BRSK1: variants seen among roughly 807,000 people sequenced by gnomAD.
The protein encoded by BRSK1 is BR serine/threonine kinase 1.
Under a neutral mutation model 86.2 loss-of-function variants are expected in BRSK1, and 17 were observed. The ratio of observed to expected loss-of-function variants is 0.20; its 90% CI spans 0.14 to 0.30. The LOEUF (loss-of-function observed/expected upper bound fraction) is 0.30. Ranked by LOEUF, BRSK1 falls within the 10% of genes least tolerant of loss-of-function variation. The pLI is 1.00. For synonymous variants in BRSK1, 464 were observed against 440.1 expected, an observed-to-expected ratio of 1.05 and a Z score of -0.68; for missense variants, 719 against 1,071.9, an observed-to-expected ratio of 0.67 and a Z score of 4.60.
Position 55,302,712 on chromosome 19 carries a change from G to A in BRSK1, c.873G>A (p.Glu291=), listed in dbSNP as rs1041220945. 4 of 1,611,606 alleles carry A rather than the reference G, an allele frequency of 2.5e-6. No homozygotes were observed. The highest frequency in any genetic ancestry group is 3.4e-6 in the Non-Finnish European group (4 of 1,178,490). Reference sequence around the variant, plus strand: ...ACTTCCCCAGAGGCGGGAAACACGAGCCAGACCCGTGCCTGGAGCCAGCCC... The same window carrying A: ...ACTTCCCCAGAGGCGGGAAACACGAACCAGACCCGTGCCTGGAGCCAGCCC... ...KHPWYLGGKH[E]PDPCLEPAPG... is the part of the protein sequence containing the mutation. The change falls in exon 10 of 19, where the codon GAG becomes GAA. Residue 291 remains glutamate, a synonymous_variant. Transcript: ENST00000309383. This position sits in a 1 kb window ranked among gnomAD's most constrained non-coding sequence, Gnocchi z 6.3.
At chr19:55,290,970 A>G (rs942878159) in intron 4 of BRSK1, among the ~76,000 whole-genome samples, 3 of 146,266 alleles carry the variant, frequency 2.1e-5, no homozygotes, top group African/African-American at 7.7e-5. Flanking sequence ...GTCCTATTTA[A>G]GAAACTTTTG....
chr19:55,304,527 A>T lies in BRSK1; in HGVS notation c.1348-24A>T. On this transcript the variant is annotated intron_variant, in intron 13 of 18. Transcript: ENST00000309383. The surrounding 1 kb of genome is among the most constrained non-coding windows in gnomAD (Gnocchi z 5.2). Reference sequence around the variant, plus strand: ...CCTGGGAGTTGTAGTCCACTCGCTTATCTCAGTCTCCTGTCCTCTGCAGAG... The same window carrying T: ...CCTGGGAGTTGTAGTCCACTCGCTTTTCTCAGTCTCCTGTCCTCTGCAGAG... 6.5e-7 allele frequency: 1 copy of T among 1,530,972 alleles called. No individual in the cohort carries two copies. Among genetic ancestry groups the T allele is most frequent in the Non-Finnish European group, 8.7e-7 (1 of 1,145,306 alleles). 94.8% of individuals were successfully genotyped at this position (1,530,972 alleles called of 1,614,324 possible). A position where few individuals can be genotyped will look rare whatever the true frequency, so the allele number is the denominator to read the frequency against.
intron 7 of BRSK1, among the ~76,000 whole-genome samples, chr19:55,297,164 C>A (rs2088501061): frequency 6.6e-6 from 1 of 152,132 alleles, no homozygotes; most frequent in South Asian, 2.1e-4. Context: ...GCAACCTCCA[C>A]CTCCTGGATT....
At position 55,287,194 on chromosome 19, in the gene BRSK1, C is replaced by A. The variant is rs779450237; in HGVS notation, c.232-20C>A. 1 of 1,613,928 alleles carries A rather than the reference C, an allele frequency of 6.2e-7. No homozygotes were observed. The highest frequency in any genetic ancestry group is 1.7e-5 in the Admixed American group (1 of 60,004). On this transcript the variant is annotated intron_variant, in intron 2 of 18. Transcript: ENST00000309383. The surrounding 1 kb of genome is among the most constrained non-coding windows in gnomAD (Gnocchi z 5.3). The stretch of plus-strand genomic sequence containing the variant: ...CGTGCTGACCTCTTTTCCCGTGTCC[C>A]CACCCCTCTTGACCCTCAGGTGGAG...
chr19:55,311,522 GGA>G (rs1044308030), intron 18 of BRSK1, among the ~76,000 whole-genome samples: 9 of 152,310 alleles, frequency 5.9e-5, no homozygotes, highest in East Asian at 1.9e-4. Context: ...AACCAGGGTA[GGA>G]GAGAGTCGGG....
In BRSK1 at chr19:55,302,085, A is replaced by AC; in HGVS notation, c.826-51dup. The AC allele has an allele frequency of 6.2e-7, 1 of 1,609,474 alleles. No homozygotes were observed. On this transcript the variant is annotated intron_variant, in intron 8 of 18. Transcript: ENST00000309383. The surrounding 1 kb of genome is among the most constrained non-coding windows in gnomAD (Gnocchi z 6.3). ...CACCCCAGTCTTTCATTGCGCGCCT[A>AC]CATGTGCCTACGACCTCACTTCTGC...
Position 55,303,191 on chromosome 19 carries a change from ACCTAG to A in BRSK1, c.1029-119_1029-115del, listed in dbSNP as rs1184852153. ...AACCAGAGAAACTGACCATACTGAT[ACCTAG>A]AAAAAATGGAACCATGGGCAGAAAT... is the stretch of plus-strand genomic sequence containing the variant. On this transcript the variant is annotated intron_variant, in intron 10 of 18. Transcript: ENST00000309383. This position sits in a 1 kb window ranked among gnomAD's most constrained non-coding sequence, Gnocchi z 5.1. 1.3e-6 allele frequency: 1 copy of A among 786,968 alleles called. No individual in the cohort carries two copies. Among genetic ancestry groups the A allele is most frequent in the Non-Finnish European group, 2.1e-6 (1 of 473,932 alleles). 48.7% of individuals were successfully genotyped at this position (786,968 alleles called of 1,614,324 possible). A position where few individuals can be genotyped will look rare whatever the true frequency, so the allele number is the denominator to read the frequency against.
At position 55,284,262 on chromosome 19, in the gene BRSK1, TC is replaced by T. The variant is rs1227992878; in HGVS notation, c.-176del. ...CTGACCCCCCCGGGCCAGCCCCCCC[TC>T]CCCCAGCTCCGCGGCCCGCCGACTG... On this transcript the variant is annotated 5_prime_UTR_variant, in exon 1 of 19. Transcript: ENST00000309383. The T allele has an allele frequency of 6.7e-6, 3 of 450,294 alleles. No homozygotes were observed. The highest frequency in any genetic ancestry group is 7.0e-6 in the Non-Finnish European group (2 of 285,066). 27.9% of individuals were successfully genotyped at this position (450,294 alleles called of 1,614,324 possible). A position where few individuals can be genotyped will look rare whatever the true frequency, so the allele number is the denominator to read the frequency against.
At position 55,294,134 on chromosome 19, in the gene BRSK1, G is replaced by A; in HGVS notation, c.575+1G>A. The A allele has an allele frequency of 6.2e-7, 1 of 1,612,418 alleles. No homozygotes were observed. Among genetic ancestry groups the A allele is most frequent in the Non-Finnish European group, 8.5e-7 (1 of 1,178,752 alleles). On this transcript the variant is annotated splice_donor_variant, in intron 5 of 18. Transcript: ENST00000309383. LOFTEE classifies it high-confidence loss of function. This position sits in a 1 kb window ranked among gnomAD's most constrained non-coding sequence, Gnocchi z 4.9. ...ACAGCCTCCTGGAGACCAGCTGCGG[G>A]TGAGTGGGGACTGGGCTCCCGAGAC...
chr19:55,297,184 C>G (rs887744612), intron 7 of BRSK1, among the ~76,000 whole-genome samples: 1 of 152,044 alleles, frequency 6.6e-6, no homozygotes, highest in African/African-American at 2.4e-5. Flanking sequence ...TCAAGCGATT[C>G]TCCTGCCTCA....
Position 55,303,240 on chromosome 19 carries a change from C to T in BRSK1, c.1029-71C>T. On this transcript the variant is annotated intron_variant, in intron 10 of 18. Coordinates refer to ENST00000309383, the MANE Select transcript of BRSK1 (RefSeq NM_032430.2). The surrounding 1 kb of genome is among the most constrained non-coding windows in gnomAD (Gnocchi z 5.1). ...CAGAAATACAGGGAGCGGAGGAGAC[C>T]TCCTCTGAGCATTGATGTTGGACCT... The T allele has an allele frequency of 8.1e-7, 1 of 1,237,448 alleles. No homozygotes were observed. Among genetic ancestry groups the T allele is most frequent in the East Asian group, 2.3e-5 (1 of 43,060 alleles). 76.7% of individuals were successfully genotyped at this position (1,237,448 alleles called of 1,614,324 possible).
At position 55,294,698 on chromosome 19, in the gene BRSK1, C is replaced by T. The variant is rs188149429; in HGVS notation, c.678+301C>T. Among the ~76,000 whole-genome samples, 4 of 152,182 alleles carry T rather than the reference C, an allele frequency of 2.6e-5. No homozygotes were observed. The highest frequency in any genetic ancestry group is 1.9e-4 in the East Asian group (1 of 5,176). ...TGAATTTTTAGTAGAGACAGGGTTT[C>T]GCCATATTGGCCAGGCTGGTCTCCA... is the stretch of plus-strand genomic sequence containing the variant. On this transcript the variant is annotated intron_variant, in intron 7 of 18. Coordinates refer to ENST00000309383, the MANE Select transcript of BRSK1 (RefSeq NM_032430.2). This position sits in a 1 kb window ranked among gnomAD's most constrained non-coding sequence, Gnocchi z 4.9.
chr19:55,308,665 G>A lies in BRSK1; in HGVS notation c.2116G>A (p.Val706Met). 6.2e-7 allele frequency: 1 copy of A among 1,609,082 alleles called. No homozygotes were observed. Among genetic ancestry groups the A allele is most frequent in the Non-Finnish European group, 8.5e-7 (1 of 1,178,120 alleles). Residue 706 changes from valine to methionine, a missense_variant, in exon 18 of 19, where the codon GTG (valine) becomes ATG (methionine). By Grantham distance (21) the Val-to-Met change is conservative. Coordinates refer to ENST00000309383, the MANE Select transcript of BRSK1 (RefSeq NM_032430.2). ...SGPSRRFKRV[V>M]ETIQAQLLST... ...TCCCAGCCGTCGGTTCAAGCGAGTG[G>A]TGGAGACCATCCAGGCACAGCTCCT...
In BRSK1 at chr19:55,289,552, C is replaced by T. The variant is rs2088373220; in HGVS notation, c.390C>T (p.Pro130=). ...DYLVKKGRLT[P]KEARKFFRQI... ...TGGTAAAGAAGGGGAGACTGACGCC[C>T]AAGGAGGCCCGAAAGTTCTTCCGCC... Residue 130 remains proline, a synonymous_variant, in exon 4 of 19, where the codon CCC becomes CCT. Transcript: ENST00000309383. The T allele has an allele frequency of 1.2e-6, 2 of 1,613,956 alleles. No homozygotes were observed.
In BRSK1 at chr19:55,284,207, G is replaced by GC; in HGVS notation, c.-230dup. The stretch of plus-strand genomic sequence containing the variant: ...CGGGCTGGGGAGGGGGGGCCCCGCA[G>GC]CCCCCCTGGGCCATGCTGACTCCCG... On this transcript the variant is annotated 5_prime_UTR_variant, in exon 1 of 19. It removes the in-frame stop codon of an upstream open reading frame in the 5' UTR. Transcript: ENST00000309383. The GC allele has an allele frequency of 5.6e-6, 4 of 718,052 alleles. No individual in the cohort carries two copies. Among genetic ancestry groups the GC allele is most frequent in the Non-Finnish European group, 7.7e-6 (4 of 521,948 alleles). The allele number at this position is 718,052 out of a possible 1,614,324, so 44.5% of individuals were successfully genotyped here. A position where few individuals can be genotyped will look rare whatever the true frequency, so the allele number is the denominator to read the frequency against.
At chr19:55,293,612 A>T (rs1600176156) in intron 4 of BRSK1, among the ~76,000 whole-genome samples, 1 of 151,988 alleles carries the variant, frequency 6.6e-6, no homozygotes, top group Non-Finnish European at 1.5e-5. Context: ...GGAGCTCAAG[A>T]CCAGCCTGGC....
Position 55,312,118 on chromosome 19 carries a change from C to T in BRSK1, c.*50C>T, listed in dbSNP as rs1327027007. On this transcript the variant is annotated 3_prime_UTR_variant, in exon 19 of 19. Coordinates refer to ENST00000309383, the MANE Select transcript of BRSK1 (RefSeq NM_032430.2). ...GACCCCCCTCCACCCCCCTTCCGTG[C>T]CCCCCAACTGTGAATCTGTAAATAA... 1.3e-5 allele frequency: 10 copies of T among 779,532 alleles called. No individual in the cohort carries two copies. Among genetic ancestry groups the T allele is most frequent in the South Asian group, 1.9e-5 (1 of 51,580 alleles). 48.3% of individuals were successfully genotyped at this position (779,532 alleles called of 1,614,324 possible).
chr19:55,289,676 C>A, intron 4 of BRSK1, 56 bp downstream of exon 4: 1 of 1,590,976 alleles, frequency 6.3e-7, no homozygotes, highest in Non-Finnish European at 8.6e-7. Flanking sequence ...CAGACAGGCC[C>A]TTGGGGGCAT....
chr19:55,292,090 C>G (rs1361473586), intron 4 of BRSK1, among the ~76,000 whole-genome samples: 1 of 152,078 alleles, frequency 6.6e-6, no homozygotes, highest in Non-Finnish European at 1.5e-5. Context: ...TTCCTGTTGA[C>G]AAGATTGTCA....
Sources: allele counts gnomAD v4.1 joint callset (sites outside exome capture counted in the v4.1 genomes callset), GRCh38; gene constraint gnomAD v4.1.1; non-coding constraint Gnocchi (gnomAD v3.1); transcripts MANE v1.5; gene names NCBI Gene and HGNC (gene_info 2026-07-23, HGNC 2026-07-21).